TAFA1: variants seen among roughly 807,000 people sequenced by gnomAD.
The protein encoded by TAFA1 is TAFA chemokine like family member 1.
In TAFA1, 4 loss-of-function variants were observed where a neutral mutation model predicts 18.5. The ratio of observed to expected loss-of-function variants is 0.22; its 90% CI spans 0.11 to 0.49. The LOEUF (loss-of-function observed/expected upper bound fraction) is 0.49. Ranked by LOEUF, TAFA1 falls within the 20% of genes least tolerant of loss-of-function variation. The pLI is 0.98. For synonymous variants in TAFA1, 56 were observed against 55.2 expected, an observed-to-expected ratio of 1.01 and a Z score of -0.06; for missense variants, 147 against 169.0, an observed-to-expected ratio of 0.87 and a Z score of 0.72.
intron 2 of TAFA1, among the ~76,000 whole-genome samples, chr3:68,083,858 A>G (rs764048106): frequency 2.0e-4 from 31 of 152,010 alleles, no homozygotes; most frequent in Admixed American, 1.8e-3. Context: ...AGTGCAGTAC[A>G]TTCTCCACAT....
chr3:68,540,052 T>G (rs1334146127), intron 4 of TAFA1, among the ~76,000 whole-genome samples: 1 of 152,174 alleles, frequency 6.6e-6, no homozygotes, highest in Non-Finnish European at 1.5e-5. Context: ...TAATCTTGAC[T>G]TACTCTTTCT....
At chr3:68,278,262 A>G (rs2067831712) in intron 2 of TAFA1, among the ~76,000 whole-genome samples, 1 of 152,134 alleles carries the variant, frequency 6.6e-6, no homozygotes, top group South Asian at 2.1e-4. Flanking sequence ...AGGCAATAAT[A>G]TGTCTCCAGA....
chr3:68,408,188 A>G (rs1463048054), intron 2 of TAFA1, among the ~76,000 whole-genome samples: 1 of 152,178 alleles, frequency 6.6e-6, no homozygotes, highest in African/African-American at 2.4e-5. Context: ...AAATGCAAGG[A>G]TTCTAATAAT....
the TAFA1 span, among the ~76,000 whole-genome samples, chr3:67,993,406 G>A: frequency 1.3e-5 from 2 of 152,192 alleles, no homozygotes; most frequent in African/African-American, 4.8e-5. Flanking sequence ...CAGCAATATG[G>A]ATACTCCCCA....
intron 2 of TAFA1, among the ~76,000 whole-genome samples, chr3:68,160,898 C>T (rs1192309585): frequency 6.6e-6 from 1 of 152,152 alleles, no homozygotes; most frequent in African/African-American, 2.4e-5. Context: ...TGACCATACA[C>T]TCAATGGATA....
At chr3:68,494,610 G>A (rs1056769594) in intron 3 of TAFA1, among the ~76,000 whole-genome samples, 2 of 152,056 alleles carry the variant, frequency 1.3e-5, no homozygotes, top group East Asian at 3.9e-4. Flanking sequence ...TAGTCATCTT[G>A]GTTCATGTAG....
In TAFA1 at chr3:68,260,252, G is replaced by A. The variant is rs187051879; in HGVS notation, c.119-157028G>A. 2.7e-3 allele frequency among the ~76,000 whole-genome samples: 404 copies of A among 152,246 alleles called. 4 individuals are homozygous for A. The highest frequency in any genetic ancestry group is 9.3e-3 in the African/African-American group (387 of 41,550). On this transcript the variant is annotated intron_variant, in intron 2 of 4. Transcript: ENST00000478136. ...TGCTGGATTACATTTATTGATTTGTGTATGTTGAACCAGGCTTGCATCCCA... is the reference window on the plus strand; with the variant it reads ...TGCTGGATTACATTTATTGATTTGTATATGTTGAACCAGGCTTGCATCCCA...
rs572876079 is a variant in TAFA1, at chr3:68,434,331, A to T, written c.259+16911A>T. ...TTCCTCTGTACTTCTTTCTGTCTAA[A>T]TACAGCCTCTTCTAGCAATGAGCTT... On this transcript the variant is annotated intron_variant, in intron 3 of 4. Coordinates refer to ENST00000478136, the MANE Select transcript of TAFA1 (RefSeq NM_213609.4). 2.0e-5 allele frequency among the ~76,000 whole-genome samples: 3 copies of T among 152,204 alleles called. No homozygotes were observed. The East Asian group carries it at 5.8e-4, about 29-fold the overall frequency.
chr3:68,174,835 G>A (rs183380845), intron 2 of TAFA1, among the ~76,000 whole-genome samples: 67 of 152,294 alleles, frequency 4.4e-4, no homozygotes, highest in South Asian at 1.0e-3. Flanking sequence ...TAAGACAATG[G>A]GGAAAATCTC....
intron 2 of TAFA1, among the ~76,000 whole-genome samples, chr3:68,208,314 G>T (rs1175968938): frequency 6.6e-6 from 1 of 151,834 alleles, no homozygotes; most frequent in Non-Finnish European, 1.5e-5. Context: ...TTTTAGCCAG[G>T]TTCCTATTTC....
intron 2 of TAFA1, among the ~76,000 whole-genome samples, chr3:68,388,226 A>G (rs1004383735): frequency 1.3e-5 from 2 of 152,172 alleles, no homozygotes; most frequent in Non-Finnish European, 2.9e-5. Context: ...CATTGAGTGA[A>G]CACGTTAGTA....
At chr3:68,496,396 T>G (rs2072550776) in intron 3 of TAFA1, among the ~76,000 whole-genome samples, 1 of 152,092 alleles carries the variant, frequency 6.6e-6, no homozygotes, top group Non-Finnish European at 1.5e-5. Flanking sequence ...TTTAGTATCT[T>G]GCAATGGTCC....
At chr3:68,543,891 C>G (rs2073416657) in intron 4 of TAFA1, among the ~76,000 whole-genome samples, 1 of 152,052 alleles carries the variant, frequency 6.6e-6, no homozygotes, top group African/African-American at 2.4e-5. Flanking sequence ...TCTCACCTTG[C>G]ACAGGAACAG....
At chr3:68,020,499 T>G (rs11920675) in intron 2 of TAFA1, among the ~76,000 whole-genome samples, 131,740 of 152,142 alleles carry the variant, frequency 0.87, 58,056 homozygotes, top group South Asian at 0.96. Context: ...ACAATGTTTG[T>G]TCTACACTTG....
chr3:68,371,348 G>C (rs1244476382), intron 2 of TAFA1, among the ~76,000 whole-genome samples: 1 of 152,074 alleles, frequency 6.6e-6, no homozygotes, highest in African/African-American at 2.4e-5. Context: ...GCATGCATTA[G>C]GTATTTGTCC....
intron 2 of TAFA1, among the ~76,000 whole-genome samples, chr3:68,311,517 T>C (rs1486844625): frequency 2.0e-5 from 3 of 151,748 alleles, no homozygotes; most frequent in South Asian, 4.2e-4. Context: ...ATGGGAGAAA[T>C]TGGCCAAAAC....
At chr3:68,492,104 C>G (rs1040008802) in intron 3 of TAFA1, among the ~76,000 whole-genome samples, 6 of 152,114 alleles carry the variant, frequency 3.9e-5, no homozygotes, top group African/African-American at 1.4e-4. Context: ...AAACATGCAC[C>G]AAAAAAATAG....
At chr3:68,246,661 T>C (rs930655112) in intron 2 of TAFA1, 1 of 148,424 alleles carries the variant, frequency 6.7e-6, no homozygotes, top group African/African-American at 2.5e-5. Flanking sequence ...TGGTCTATTG[T>C]TAATACATAA....
chr3:68,513,479 T>G (rs2072878840), intron 3 of TAFA1, among the ~76,000 whole-genome samples: 1 of 152,212 alleles, frequency 6.6e-6, no homozygotes, highest in African/African-American at 2.4e-5. Context: ...AATATCCACA[T>G]GTGGCTAGTA....
Sources: gnomAD v4.1 joint callset for allele counts (sites outside exome capture counted in the v4.1 genomes callset) on GRCh38, gnomAD v4.1.1 for gene constraint, MANE v1.5 for transcripts, NCBI Gene and HGNC (gene_info 2026-07-23, HGNC 2026-07-21) for gene names.